The following PLD5 variants were observed in gnomAD, a reference collection of about 807,000 sequenced individuals.
PLD5 encodes the protein phospholipase D family member 5.
A neutral mutation model predicts 61.1 loss-of-function variants in PLD5; 36 were observed. The observed-to-expected ratio is 0.59, with a 90% CI of 0.45 to 0.78. PLD5 has a LOEUF of 0.78. Ranked by LOEUF, PLD5 falls within the 30% of genes least tolerant of loss-of-function variation. PLD5 has a pLI of 0.00. For missense variants in PLD5, 515 were observed against 644.4 expected (o/e 0.80, Z 2.17); for synonymous variants, 243 against 242.8 (o/e 1.00, Z -0.01).
intron 4 of PLD5, among the ~76,000 whole-genome samples, chr1:242,253,861 G>A (rs1485694883): frequency 6.6e-6 from 1 of 152,182 alleles, no homozygotes; most frequent in Admixed American, 6.5e-5. Flanking sequence ...AGATGGGTAC[G>A]ACTATATTAT....
At chr1:242,412,580 C>T (rs530310598) in intron 1 of PLD5, among the ~76,000 whole-genome samples, 2 of 152,196 alleles carry the variant, frequency 1.3e-5, no homozygotes, top group Admixed American at 6.5e-5. Flanking sequence ...CAGTACGTAA[C>T]CTTTGGGGAT....
At chr1:242,154,346 C>T (rs1665173965) in intron 5 of PLD5, among the ~76,000 whole-genome samples, 1 of 152,042 alleles carries the variant, frequency 6.6e-6, no homozygotes, top group Non-Finnish European at 1.5e-5. Context: ...TCTTTTCTTG[C>T]CTGATTGCCC....
At chr1:242,411,600 T>A (rs889792485) in intron 1 of PLD5, among the ~76,000 whole-genome samples, 1 of 152,358 alleles carries the variant, frequency 6.6e-6, no homozygotes, top group African/African-American at 2.4e-5. Context: ...ATATGGGGCA[T>A]AAATTCTGTA....
chr1:242,187,532 A>C (rs1280470870), intron 5 of PLD5, among the ~76,000 whole-genome samples: 1 of 152,212 alleles, frequency 6.6e-6, no homozygotes, highest in Admixed American at 6.5e-5. Flanking sequence ...ATAAATAAAA[A>C]TCTATATGCA....
Position 242,351,203 on chromosome 1 carries a change from G to A in PLD5, c.190-2961C>T, listed in dbSNP as rs118104656. Among the ~76,000 whole-genome samples the A allele has an allele frequency of 2.9e-3, 447 of 152,184 alleles. 6 individuals are homozygous for A. In the East Asian group the frequency reaches 0.039, roughly 13 times the overall value. On this transcript the variant is annotated intron_variant, in intron 1 of 9. Coordinates refer to ENST00000536534, the MANE Select transcript of PLD5 (RefSeq NM_001372062.1). Reference sequence around the variant, plus strand: ...GGCATGAGCAACCGCGCCCGGCCCTGTTTTATTCTTTCTATCCTTATTCTT... The same window carrying A: ...GGCATGAGCAACCGCGCCCGGCCCTATTTTATTCTTTCTATCCTTATTCTT...
chr1:242,122,162 G>A (rs974123880), intron 6 of PLD5, among the ~76,000 whole-genome samples: 16 of 152,252 alleles, frequency 1.1e-4, no homozygotes, highest in African/African-American at 3.4e-4. Context: ...TTTTTGTGGT[G>A]AACTCTTTAA....
At chr1:242,253,374 G>A (rs759633449) in intron 4 of PLD5, among the ~76,000 whole-genome samples, 5 of 143,308 alleles carry the variant, frequency 3.5e-5, no homozygotes, top group East Asian at 4.3e-4. Flanking sequence ...GTGCAGTGGC[G>A]CGATCTTGGC....
At chr1:242,227,761 A>G (rs1671044665) in intron 4 of PLD5, among the ~76,000 whole-genome samples, 1 of 152,116 alleles carries the variant, frequency 6.6e-6, no homozygotes, top group Admixed American at 6.5e-5. Flanking sequence ...CCATCCTTTG[A>G]TGTGCGTCTG....
intron 9 of PLD5, among the ~76,000 whole-genome samples, chr1:242,091,775 C>T (rs921970483): frequency 7.9e-5 from 12 of 151,938 alleles, no homozygotes; most frequent in Admixed American, 2.6e-4. Flanking sequence ...TTTCTGTGGA[C>T]GCCCTACTCT....
At chr1:242,110,808 T>TCTCA (rs368211887) in intron 7 of PLD5, among the ~76,000 whole-genome samples, 72 of 150,156 alleles carry the variant, frequency 4.8e-4, no homozygotes, top group African/African-American at 1.7e-3. Context: ...AAACTCTGTC[T>TCTCA]CACACACACA....
intron 4 of PLD5, among the ~76,000 whole-genome samples, chr1:242,260,750 A>G (rs1006925016): frequency 1.3e-5 from 2 of 152,256 alleles, no homozygotes; most frequent in African/African-American, 4.8e-5. Context: ...AAGGATAAAT[A>G]GAACAATCTC....
intron 5 of PLD5, among the ~76,000 whole-genome samples, chr1:242,141,602 C>A (rs1329879796): frequency 2.0e-5 from 3 of 151,912 alleles, no homozygotes; most frequent in Non-Finnish European, 4.4e-5. Flanking sequence ...TGTGTTTTTA[C>A]GTCTGTTTTG....
intron 3 of PLD5, among the ~76,000 whole-genome samples, chr1:242,276,268 A>G (rs888265303): frequency 2.0e-5 from 3 of 151,372 alleles, no homozygotes; most frequent in African/African-American, 7.3e-5. Context: ...CCAGGAGGAT[A>G]AAGCTGAAGG....
intron 1 of PLD5, among the ~76,000 whole-genome samples, chr1:242,492,327 C>T (rs911541536): frequency 3.3e-5 from 5 of 151,590 alleles, no homozygotes; most frequent in Admixed American, 6.6e-5. Context: ...GCCTGGCCAA[C>T]ATAGTGAAAC....
At chr1:242,377,558 C>T (rs896371921) in intron 1 of PLD5, 1 of 536,786 alleles carries the variant, frequency 1.9e-6, no homozygotes, top group South Asian at 2.6e-5. Flanking sequence ...ATTTCATACT[C>T]TAGATAGAGA....
intron 5 of PLD5, among the ~76,000 whole-genome samples, chr1:242,215,378 A>G (rs1670116947): frequency 6.6e-6 from 1 of 152,104 alleles, no homozygotes; most frequent in Non-Finnish European, 1.5e-5. Context: ...TCTTAAAAAT[A>G]TGCTCAAAAA....
At chr1:242,295,963 C>T (rs955053407) in intron 2 of PLD5, among the ~76,000 whole-genome samples, 3 of 152,236 alleles carry the variant, frequency 2.0e-5, no homozygotes, top group East Asian at 1.9e-4. Flanking sequence ...CAATTCAAAA[C>T]GAAAGGGTTT....
intron 4 of PLD5, among the ~76,000 whole-genome samples, chr1:242,240,591 G>A (rs534122686): frequency 3.4e-4 from 52 of 152,146 alleles, no homozygotes; most frequent in African/African-American, 1.1e-3. Context: ...AAAAATTGAA[G>A]GTAAATATGT....
intron 5 of PLD5, among the ~76,000 whole-genome samples, chr1:242,133,850 G>A (rs1039145105): frequency 1.3e-5 from 2 of 152,208 alleles, no homozygotes; most frequent in African/African-American, 2.4e-5. Context: ...AATGGGGCCT[G>A]AGAGTGAAAT....
Sources: allele counts gnomAD v4.1 joint callset (sites outside exome capture counted in the v4.1 genomes callset), GRCh38; gene constraint gnomAD v4.1.1; transcripts MANE v1.5; gene names NCBI Gene and HGNC (gene_info 2026-07-23, HGNC 2026-07-21).